Variants in AFF3 observed in about 807,000 individuals in gnomAD.
AFF3 encodes the protein ALF transcription elongation factor 3.
Under a neutral mutation model 129.7 loss-of-function variants are expected in AFF3, and 32 were observed. The observed-to-expected ratio is 0.25, with a 90% confidence interval of 0.19 to 0.33. AFF3 has a LOEUF of 0.33. Among genes scored for constraint, AFF3 ranks in the 10% least tolerant of loss-of-function variants. The probability of loss-of-function intolerance (pLI) is 1.00; values close to 1 mark genes in which losing one functional copy is unlikely to be tolerated. For missense variants in AFF3, 1,373 were observed against 1,592.0 expected (o/e 0.86, Z 2.34); for synonymous variants, 644 against 635.4 (o/e 1.01, Z -0.20).
intron 4 of AFF3, among the ~76,000 whole-genome samples, chr2:100,067,180 TAA>T (rs35574768): frequency 0.031 from 4,149 of 134,226 alleles, 199 homozygotes; most frequent in African/African-American, 0.11. Context: ...TCCACATAGT[TAA>T]AAAAAAAAAA....
chr2:99,805,620 C>A (rs1413861027), intron 8 of AFF3, among the ~76,000 whole-genome samples: 1 of 152,138 alleles, frequency 6.6e-6, no homozygotes, highest in Non-Finnish European at 1.5e-5. Context: ...AACACCACAG[C>A]CGAGTATGCT....
At chr2:99,775,107 G>A (rs1042891501) in intron 8 of AFF3, among the ~76,000 whole-genome samples, 13 of 152,172 alleles carry the variant, frequency 8.5e-5, no homozygotes, top group African/African-American at 1.7e-4. Context: ...TGGCAATGTC[G>A]TGGAGAAGAA....
rs190278847 is a variant in AFF3, at chr2:99,803,090, C to A, written c.921+34387G>T. 1.5e-4 allele frequency among the ~76,000 whole-genome samples: 23 copies of A among 152,172 alleles called. No homozygotes were observed. In the South Asian group the frequency reaches 3.7e-3, roughly 25 times the overall value. ...CCCCATTCAGTATGTGTGGGTTTGT[C>A]ATATGTGGCTTTTATTATTTTGAGG... On this transcript the variant is annotated intron_variant, in intron 8 of 24. Transcript: ENST00000672756.
At chr2:99,753,354 G>A (rs568674414) in intron 8 of AFF3, among the ~76,000 whole-genome samples, 1 of 152,200 alleles carries the variant, frequency 6.6e-6, no homozygotes, top group East Asian at 1.9e-4. Context: ...CCCACCTTGG[G>A]CTCCCAAAGT....
chr2:99,574,052 G>C (rs796905808), intron 18 of AFF3, among the ~76,000 whole-genome samples: 6 of 152,288 alleles, frequency 3.9e-5, no homozygotes, highest in African/African-American at 1.4e-4. Context: ...CCCCAGCCAA[G>C]AATTCCCCTG....
intron 8 of AFF3, among the ~76,000 whole-genome samples, chr2:99,770,618 A>G (rs1027714448): frequency 6.6e-6 from 1 of 152,124 alleles, no homozygotes; most frequent in Non-Finnish European, 1.5e-5. Context: ...GCAGTCTCAG[A>G]GTCTCACCAA....
At chr2:100,076,416 T>C (rs375717140) in intron 4 of AFF3, among the ~76,000 whole-genome samples, 7 of 152,260 alleles carry the variant, frequency 4.6e-5, no homozygotes, top group South Asian at 4.2e-4. Context: ...CCTCGATACC[T>C]GAAAGTAAAT....
intron 7 of AFF3, among the ~76,000 whole-genome samples, chr2:99,855,169 CTG>C (rs1392884798): frequency 6.6e-6 from 1 of 152,064 alleles, no homozygotes; most frequent in Non-Finnish European, 1.5e-5. Flanking sequence ...CTTCAAAAAA[CTG>C]TGAAAAAATG....
chr2:99,742,440 A>G (rs1490866321), intron 10 of AFF3, among the ~76,000 whole-genome samples: 1 of 152,232 alleles, frequency 6.6e-6, no homozygotes, highest in Non-Finnish European at 1.5e-5. Flanking sequence ...AGGGTTTTAT[A>G]CCACACAGGG....
chr2:99,922,753 A>T (rs1378076324), intron 7 of AFF3, among the ~76,000 whole-genome samples: 4 of 152,214 alleles, frequency 2.6e-5, no homozygotes, highest in Non-Finnish European at 5.9e-5. Context: ...CCATTATAAG[A>T]TCTTCTCAAG....
At position 99,549,595 on chromosome 2, in the gene AFF3, G is replaced by T; in HGVS notation, c.*1879C>A. Reference sequence around the variant, plus strand: ...GCGAAACTCGTCTCAAAAAAAAAGTGAAAGGGTTGTAAGAAGCACCCCAGT... The same window carrying T: ...GCGAAACTCGTCTCAAAAAAAAAGTTAAAGGGTTGTAAGAAGCACCCCAGT... On this transcript the variant is annotated 3_prime_UTR_variant, in exon 25 of 25. Transcript: ENST00000672756. The T allele has an allele frequency of 5.1e-6, 1 of 197,252 alleles. No individual in the cohort carries two copies. Among genetic ancestry groups the T allele is most frequent in the Non-Finnish European group, 1.1e-5 (1 of 95,212 alleles). The allele number at this position is 197,252 out of a possible 1,614,324, so 12.2% of individuals were successfully genotyped here.
At chr2:100,113,450 ATGT>A (rs780778849) in intron 2 of AFF3, among the ~76,000 whole-genome samples, 63 of 152,222 alleles carry the variant, frequency 4.1e-4, no homozygotes, top group Non-Finnish European at 8.4e-4. Context: ...GCCATATACA[ATGT>A]TGTTTTAATA....
At chr2:99,925,585 G>C (rs1435830041) in intron 7 of AFF3, among the ~76,000 whole-genome samples, 1 of 152,184 alleles carries the variant, frequency 6.6e-6, no homozygotes, top group Non-Finnish European at 1.5e-5. Flanking sequence ...GCAGATGAAA[G>C]AACAACTCAA....
intron 4 of AFF3, among the ~76,000 whole-genome samples, chr2:100,032,310 T>C (rs1264978365): frequency 1.3e-5 from 2 of 151,982 alleles, no homozygotes; most frequent in African/African-American, 4.8e-5. Context: ...GCACCTGTAG[T>C]CCCAGCTACT....
In AFF3 at chr2:99,629,540, T is replaced by C. The variant is rs540697795; in HGVS notation, c.1184+20086A>G. Among the ~76,000 whole-genome samples, 31 of 152,310 alleles carry C rather than the reference T, an allele frequency of 2.0e-4. No homozygotes were observed. The South Asian group carries it at 2.5e-3, about 12-fold the overall frequency. On this transcript the variant is annotated intron_variant, in intron 13 of 24. Coordinates refer to ENST00000672756, the MANE Select transcript of AFF3 (RefSeq NM_001386135.1). Reference sequence around the variant, plus strand: ...CAATTCCTCTGTAGACCCGATTACATAGACCCTCCGACTGTACTGAGTGCA... The same window carrying C: ...CAATTCCTCTGTAGACCCGATTACACAGACCCTCCGACTGTACTGAGTGCA...
At chr2:100,105,315 C>T (rs771011410) in intron 3 of AFF3, 189 bp downstream of exon 3, 311 of 1,197,292 alleles carry the variant, frequency 2.6e-4, no homozygotes, top group Non-Finnish European at 2.3e-4. Context: ...GTGCCGCCCG[C>T]AGCAGCGCCC....
In AFF3 at chr2:99,696,785, A is replaced by G. The variant is rs186251464; in HGVS notation, c.1092-24196T>C. Among the ~76,000 whole-genome samples, 138 of 152,194 alleles carry G rather than the reference A, an allele frequency of 9.1e-4. 1 individual carries two copies. In the East Asian group the frequency reaches 0.021, roughly 23 times the overall value. On this transcript the variant is annotated intron_variant, in intron 11 of 24. Coordinates refer to ENST00000672756, the MANE Select transcript of AFF3 (RefSeq NM_001386135.1). The stretch of plus-strand genomic sequence containing the variant: ...CATAGCCTAGTGTAGCTAGGACTAC[A>G]GGCACGCGCCACCATGCCCAGCTAA...
rs145467524 is a variant in AFF3, at chr2:99,928,133, G to T, written c.873+78499C>A. Among the ~76,000 whole-genome samples the T allele has an allele frequency of 1.9e-3, 289 of 152,220 alleles. 2 individuals carry two copies. Among genetic ancestry groups the T allele is most frequent in the African/African-American group, 6.2e-3 (259 of 41,540 alleles). On this transcript the variant is annotated intron_variant, in intron 7 of 24. Coordinates refer to ENST00000672756, the MANE Select transcript of AFF3 (RefSeq NM_001386135.1). Reference sequence around the variant, plus strand: ...CTGTAAGTCCAATTAAACCTCTTTCGTTTGTAAACTGCCCGGTCTCAGGTA... The same window carrying T: ...CTGTAAGTCCAATTAAACCTCTTTCTTTTGTAAACTGCCCGGTCTCAGGTA...
chr2:99,899,358 G>A (rs766781733), intron 7 of AFF3, among the ~76,000 whole-genome samples: 1 of 152,090 alleles, frequency 6.6e-6, no homozygotes, highest in Non-Finnish European at 1.5e-5. Context: ...AATCTAAGTT[G>A]ATAATAAATT....
Sources: allele counts gnomAD v4.1 joint callset (sites outside exome capture counted in the v4.1 genomes callset), GRCh38; gene constraint gnomAD v4.1.1; transcripts MANE v1.5; gene names NCBI Gene and HGNC (gene_info 2026-07-23, HGNC 2026-07-21).